ST3GAL5: variants seen among roughly 807,000 people sequenced by gnomAD.
ST3GAL5 encodes the protein ST3 beta-galactoside alpha-2,3-sialyltransferase 5, also known as lactosylceramide alpha-2,3-sialyltransferase.
Under a neutral mutation model 46.1 loss-of-function variants are expected in ST3GAL5, and 25 were observed. The observed-to-expected ratio is 0.54, with a 90% confidence interval of 0.40 to 0.76. The LOEUF (loss-of-function observed/expected upper bound fraction) is 0.76, where lower values mean the gene tolerates loss of function less well. ST3GAL5 is among the 30% of genes least tolerant of loss of function. The pLI is 0.00. For missense variants in ST3GAL5, 431 were observed against 521.2 expected, an observed-to-expected ratio of 0.83 and a Z score of 1.69; for synonymous variants, 182 against 192.7, an observed-to-expected ratio of 0.94 and a Z score of 0.46.
At chr2:85,871,666 GAGGA>G (rs1685941932) in intron 1 of ST3GAL5, among the ~76,000 whole-genome samples, 1 of 152,136 alleles carries the variant, frequency 6.6e-6, no homozygotes, top group Non-Finnish European at 1.5e-5. Flanking sequence ...TAACCTGCCA[GAGGA>G]CACACATGGG....
At chr2:85,845,321 T>C (rs549958137) in intron 5 of ST3GAL5, 1 of 153,110 alleles carries the variant, frequency 6.5e-6, no homozygotes, top group African/African-American at 2.4e-5. Flanking sequence ...AAAGCATTTT[T>C]GGAGCTCTTT....
At chr2:85,857,058 G>A (rs1331778866) in intron 3 of ST3GAL5, among the ~76,000 whole-genome samples, 1 of 112,068 alleles carries the variant, frequency 8.9e-6, no homozygotes, top group East Asian at 2.5e-4. Flanking sequence ...GTAAGACCCT[G>A]CCTCTACCAA....
chr2:85,886,901 A>G (rs920534116), intron 1 of ST3GAL5, among the ~76,000 whole-genome samples: 1 of 152,232 alleles, frequency 6.6e-6, no homozygotes, highest in African/African-American at 2.4e-5. Context: ...GCTTCCCAGC[A>G]GACTAAAACC....
intron 3 of ST3GAL5, chr2:85,850,096 A>T (rs1019179594): frequency 6.6e-6 from 1 of 152,116 alleles, no homozygotes; most frequent in Non-Finnish European, 1.5e-5. Flanking sequence ...TATAACAGAG[A>T]TACTTAATAT....
At chr2:85,846,690 G>T in intron 4 of ST3GAL5, 127 bp from the exon 5 acceptor site, 1 of 862,688 alleles carries the variant, frequency 1.2e-6, no homozygotes, top group Non-Finnish European at 1.9e-6. Flanking sequence ...ATGGTTTGCA[G>T]CCTCATCTCC....
intron 1 of ST3GAL5, among the ~76,000 whole-genome samples, chr2:85,864,744 C>G (rs1685106514): frequency 6.6e-6 from 1 of 152,174 alleles, no homozygotes; most frequent in Non-Finnish European, 1.5e-5. Flanking sequence ...TGGTCCGTCT[C>G]CCCCATATTC....
chr2:85,879,887 A>G (rs1425293253), intron 1 of ST3GAL5, among the ~76,000 whole-genome samples: 2 of 152,202 alleles, frequency 1.3e-5, no homozygotes, highest in Non-Finnish European at 2.9e-5. Flanking sequence ...GCAATTTCTA[A>G]AACAATGAAG....
intron 1 of ST3GAL5, chr2:85,867,473 T>C: frequency 2.8e-6 from 2 of 708,884 alleles, no homozygotes; most frequent in Non-Finnish European, 5.2e-6. Flanking sequence ...ACACATGTAG[T>C]TACCTCCTGG....
intron 1 of ST3GAL5, chr2:85,867,494 T>C: frequency 1.3e-6 from 1 of 752,392 alleles, no homozygotes; most frequent in South Asian, 1.4e-5. Context: ...GATATATCTA[T>C]TAAAGGTATG....
At chr2:85,875,659 G>A (rs1212695852) in intron 1 of ST3GAL5, 3 of 152,124 alleles carry the variant, frequency 2.0e-5, no homozygotes, top group Non-Finnish European at 4.4e-5. Context: ...GGGAGAAGTG[G>A]ATTTAAGACA....
intron 3 of ST3GAL5, among the ~76,000 whole-genome samples, chr2:85,852,255 T>G (rs902476084): frequency 2.0e-5 from 3 of 152,212 alleles, no homozygotes; most frequent in Admixed American, 6.5e-5. Flanking sequence ...AGGAGCTCAA[T>G]TCTGCCATGG....
chr2:85,874,896 A>G (rs1686352017), intron 1 of ST3GAL5, among the ~76,000 whole-genome samples: 1 of 151,844 alleles, frequency 6.6e-6, no homozygotes, highest in African/African-American at 2.4e-5. Context: ...TATCATAATC[A>G]TTGGGCATTT....
chr2:85,880,296 T>G (rs556815666), intron 1 of ST3GAL5, among the ~76,000 whole-genome samples: 1 of 152,188 alleles, frequency 6.6e-6, no homozygotes, highest in African/African-American at 2.4e-5. Context: ...ACAAGTTACA[T>G]TTCCATTTCT....
Position 85,882,203 on chromosome 2 carries a change from G to C in ST3GAL5, c.82+6621C>G, listed in dbSNP as rs893242479. On this transcript the variant is annotated intron_variant, in intron 1 of 6. Transcript: ENST00000638572. The stretch of plus-strand genomic sequence containing the variant: ...ATGCCCAGGCAAAAGTTTGCTGCAG[G>C]GGCGGGGACCTCATGGAGAACCTCT... Among the ~76,000 whole-genome samples, 15 of 152,344 alleles carry C rather than the reference G, an allele frequency of 9.8e-5. 1 individual carries two copies. The highest frequency in any genetic ancestry group is 1.9e-4 in the East Asian group (1 of 5,188).
At chr2:85,840,941 T>G (rs1420829368) in intron 6 of ST3GAL5, among the ~76,000 whole-genome samples, 1 of 29,116 alleles carries the variant, frequency 3.4e-5, no homozygotes, top group African/African-American at 1.7e-4. Context: ...AGACTCTGTC[T>G]CAAAAAAAAA....
At chr2:85,844,768 T>C (rs1682574937) in intron 5 of ST3GAL5, 1 of 618,544 alleles carries the variant, frequency 1.6e-6, no homozygotes, top group Non-Finnish European at 2.9e-6. Flanking sequence ...CAGGCGGCAC[T>C]GGACAAAGAG....
chr2:85,867,661 T>G (rs1306136322), intron 1 of ST3GAL5: 2 of 780,854 alleles, frequency 2.6e-6, no homozygotes. Context: ...CCCATGCTAT[T>G]ACTCCCCAGA....
chr2:85,865,716 A>AT (rs1297783062), intron 1 of ST3GAL5: 2 of 152,232 alleles, frequency 1.3e-5, no homozygotes, highest in African/African-American at 4.8e-5. Flanking sequence ...GAGAACAAAG[A>AT]TGACTGTGGT....
intron 6 of ST3GAL5, among the ~76,000 whole-genome samples, chr2:85,842,977 C>T (rs577447635): frequency 3.3e-5 from 5 of 152,124 alleles, no homozygotes; most frequent in East Asian, 1.9e-4. Flanking sequence ...AGGCTGGTCT[C>T]GAACTCCTGA....
Sources: allele counts gnomAD v4.1 joint callset (sites outside exome capture counted in the v4.1 genomes callset), GRCh38; gene constraint gnomAD v4.1.1; transcripts MANE v1.5; gene names NCBI Gene and HGNC (gene_info 2026-07-23, HGNC 2026-07-21).